Variants in PID1 observed in about 807,000 individuals in gnomAD.
PID1 encodes the protein phosphotyrosine interaction domain containing 1, also known as PTB-containing, cubilin and LRP1-interacting protein.
Under a neutral mutation model 19.1 loss-of-function variants are expected in PID1, and 10 were observed. The ratio of observed to expected loss-of-function variants is 0.52; its 90% CI spans 0.32 to 0.89. The LOEUF (loss-of-function observed/expected upper bound fraction) is 0.89. PID1 is among the 40% of genes least tolerant of loss of function. PID1 has a pLI of 0.03. For synonymous variants in PID1, 130 were observed against 116.0 expected (o/e 1.12, Z -0.78); for missense variants, 248 against 285.3 (o/e 0.87, Z 0.94).
intron 2 of PID1, among the ~76,000 whole-genome samples, chr2:229,149,937 C>T (rs75018570): frequency 0.021 from 3,250 of 152,088 alleles, 127 homozygotes; most frequent in African/African-American, 0.074. Context: ...GGAAGGGGAG[C>T]ACAAAGAAAT....
chr2:229,205,347 C>CACT (rs1691588244), intron 1 of PID1, among the ~76,000 whole-genome samples: 1 of 151,972 alleles, frequency 6.6e-6, no homozygotes, highest in African/African-American at 2.4e-5. Flanking sequence ...ATGTATGAAT[C>CACT]ACTAAGTAAT....
chr2:229,096,543 A>C (rs1422164281), intron 2 of PID1, among the ~76,000 whole-genome samples: 1 of 152,142 alleles, frequency 6.6e-6, no homozygotes, highest in Non-Finnish European at 1.5e-5. Flanking sequence ...TTTAGGATTA[A>C]AGCTCTGACT....
chr2:229,215,727 G>A (rs953528898), intron 1 of PID1, among the ~76,000 whole-genome samples: 1 of 152,216 alleles, frequency 6.6e-6, no homozygotes. Flanking sequence ...GTTCAAATAT[G>A]TACACAGATA....
chr2:229,251,944 TAAAA>T (rs11284650), intron 1 of PID1, among the ~76,000 whole-genome samples: 3 of 71,466 alleles, frequency 4.2e-5, no homozygotes, highest in Non-Finnish European at 5.7e-5. Flanking sequence ...AACCATAAGC[TAAAA>T]AAAAAAAAAA....
At chr2:229,212,510 G>A (rs1313883959) in intron 1 of PID1, among the ~76,000 whole-genome samples, 1 of 152,184 alleles carries the variant, frequency 6.6e-6, no homozygotes, top group African/African-American at 2.4e-5. Context: ...AGCTGAAAGG[G>A]CAGCTGGATT....
intron 2 of PID1, among the ~76,000 whole-genome samples, chr2:229,118,030 G>C (rs889299794): frequency 2.0e-5 from 3 of 152,074 alleles, no homozygotes; most frequent in African/African-American, 7.2e-5. Flanking sequence ...TCATGAGGCT[G>C]GGATACTTAG....
chr2:229,126,397 T>C (rs925159527), intron 2 of PID1, among the ~76,000 whole-genome samples: 38 of 152,028 alleles, frequency 2.5e-4, no homozygotes, highest in Admixed American at 2.4e-3. Flanking sequence ...GCTCCTGAGA[T>C]GTGCAACCAA....
intron 1 of PID1, among the ~76,000 whole-genome samples, chr2:229,251,193 T>C (rs1371772416): frequency 6.6e-6 from 1 of 152,108 alleles, no homozygotes; most frequent in Non-Finnish European, 1.5e-5. Flanking sequence ...CCACTGTGAA[T>C]CAATAATGAT....
At chr2:229,217,857 C>T (rs950204154) in intron 1 of PID1, among the ~76,000 whole-genome samples, 11 of 152,114 alleles carry the variant, frequency 7.2e-5, no homozygotes, top group African/African-American at 2.4e-4. Flanking sequence ...TTAATCTTCT[C>T]CTCACGCACC....
chr2:229,149,255 A>C (rs1352035723), intron 2 of PID1, among the ~76,000 whole-genome samples: 1 of 152,132 alleles, frequency 6.6e-6, no homozygotes, highest in African/African-American at 2.4e-5. Context: ...CATTTGTGTT[A>C]AGAAGTAAAA....
At position 229,062,299 on chromosome 2, in the gene PID1, ATGT is replaced by A. The variant is rs760827951; in HGVS notation, c.178-36194_178-36192del. 5.9e-5 allele frequency among the ~76,000 whole-genome samples: 9 copies of A among 152,012 alleles called. No homozygotes were observed. The East Asian group carries it at 1.2e-3, about 20-fold the overall frequency. On this transcript the variant is annotated intron_variant, in intron 2 of 2. Coordinates refer to ENST00000392055, the MANE Select transcript of PID1 (RefSeq NM_001100818.2). The stretch of plus-strand genomic sequence containing the variant: ...TTTGCTGAGTTTGTATCATAAAAAG[ATGT>A]TGTTTTTTGTCAAATGGTTTTTCTG...
intron 1 of PID1, among the ~76,000 whole-genome samples, chr2:229,265,349 G>A (rs1690568077): frequency 1.3e-5 from 2 of 152,204 alleles, no homozygotes; most frequent in Admixed American, 6.5e-5. Context: ...TCAAGATGCT[G>A]GAAGCATTGA....
intron 2 of PID1, among the ~76,000 whole-genome samples, chr2:229,112,671 C>T (rs1196818135): frequency 6.6e-6 from 1 of 151,984 alleles, no homozygotes; most frequent in Non-Finnish European, 1.5e-5. Context: ...TTTTAGTAGA[C>T]ACGGGGTTTC....
intron 1 of PID1, among the ~76,000 whole-genome samples, chr2:229,201,429 A>C (rs949591329): frequency 6.6e-6 from 1 of 152,044 alleles, no homozygotes; most frequent in African/African-American, 2.4e-5. Flanking sequence ...CTCAAGGTTC[A>C]TCCATGTCGT....
intron 2 of PID1, among the ~76,000 whole-genome samples, chr2:229,036,787 G>A (rs1693673657): frequency 6.6e-6 from 1 of 152,142 alleles, no homozygotes; most frequent in Admixed American, 6.6e-5. Context: ...ACCCGAAAAT[G>A]GATCTAGCTG....
At chr2:229,111,233 T>C (rs1354594311) in intron 2 of PID1, among the ~76,000 whole-genome samples, 1 of 152,108 alleles carries the variant, frequency 6.6e-6, no homozygotes, top group Non-Finnish European at 1.5e-5. Flanking sequence ...AATGGACTAA[T>C]ACAGAGCCCA....
chr2:229,106,927 G>A (rs1057511225), intron 2 of PID1, among the ~76,000 whole-genome samples: 1 of 152,064 alleles, frequency 6.6e-6, no homozygotes, highest in Admixed American at 6.6e-5. Context: ...TTGGAAACAG[G>A]GTCTTTGCAG....
intron 1 of PID1, among the ~76,000 whole-genome samples, chr2:229,257,022 A>G (rs1211408532): frequency 2.0e-5 from 3 of 152,210 alleles, no homozygotes; most frequent in Middle Eastern, 3.2e-3. Context: ...ATGGGTTACA[A>G]GTGGTCTGAC....
In PID1 at chr2:229,234,582, A is replaced by C. The variant is rs557587858; in HGVS notation, c.30+36432T>G. Among the ~76,000 whole-genome samples the C allele has an allele frequency of 2.6e-5, 4 of 152,360 alleles. No individual in the cohort carries two copies. The East Asian group carries it at 7.7e-4, about 29-fold the overall frequency. ...ATTTGGGGCTTCTGACTTCAAAATC[A>C]GTAAAATCATAAATCTGTATCATTT... On this transcript the variant is annotated intron_variant, in intron 1 of 2. Transcript: ENST00000392055.
Sources: allele counts gnomAD v4.1 joint callset (sites outside exome capture counted in the v4.1 genomes callset), GRCh38; gene constraint gnomAD v4.1.1; transcripts MANE v1.5; gene names NCBI Gene and HGNC (gene_info 2026-07-23, HGNC 2026-07-21).